The following FLT3 variants were observed in gnomAD, a reference collection of about 807,000 sequenced individuals.
The protein encoded by FLT3 is fms related receptor tyrosine kinase 3.
In FLT3, 46 loss-of-function variants were observed where a neutral mutation model predicts 126.6. The ratio of observed to expected loss-of-function variants is 0.36; its 90% CI spans 0.29 to 0.46. The LOEUF is 0.46. Ranked by LOEUF, FLT3 falls within the 20% of genes least tolerant of loss-of-function variation. The pLI is 1.00. For missense variants in FLT3, 1,069 were observed against 1,190.3 expected, an observed-to-expected ratio of 0.90 and a Z score of 1.50; for synonymous variants, 404 against 434.4, an observed-to-expected ratio of 0.93 and a Z score of 0.87.
intron 21 of FLT3, 63 bp downstream of exon 21, chr13:28,015,527 G>GGGGGGGCC: frequency 3.1e-6 from 2 of 644,482 alleles, no homozygotes; most frequent in Admixed American, 2.3e-5. Context: ...GGGTGGGGCG[G>GGGGGGGCC]CACCGAGAGA....
chr13:28,008,456 T>A (rs1332715744), intron 23 of FLT3, among the ~76,000 whole-genome samples: 2 of 152,014 alleles, frequency 1.3e-5, no homozygotes, highest in Non-Finnish European at 2.9e-5. Context: ...AAGACTTGCT[T>A]AAGAGGCATG....
intron 1 of FLT3, among the ~76,000 whole-genome samples, chr13:28,095,963 G>A (rs1879425060): frequency 6.6e-6 from 1 of 152,148 alleles, no homozygotes; most frequent in Non-Finnish European, 1.5e-5. Context: ...CCTAAAAGAT[G>A]ACCATATTTA....
rs117769716 is a variant in FLT3, at chr13:28,031,930, T to C, written c.1942+1957A>G. On this transcript the variant is annotated intron_variant, in intron 15 of 23. Coordinates refer to ENST00000241453, the MANE Select transcript of FLT3 (RefSeq NM_004119.3). ...GAAGCCAAAGGGAGGCAAGAGTGGA[T>C]ACAGGAACCTGCTTTGGAAGCTTTT... Among the ~76,000 whole-genome samples the C allele has an allele frequency of 7.9e-3, 1,207 of 152,272 alleles. 11 individuals carry two copies. Among genetic ancestry groups the C allele is most frequent in the Admixed American group, 0.014 (212 of 15,296 alleles).
intron 1 of FLT3, among the ~76,000 whole-genome samples, chr13:28,073,091 A>G (rs28458275): frequency 0.18 from 26,804 of 151,936 alleles, 2,433 homozygotes; most frequent in Middle Eastern, 0.25. Flanking sequence ...CTGTAATCCC[A>G]GCACTTTGGG....
intron 21 of FLT3, 151 bp from the exon 22 acceptor site, chr13:28,015,407 G>T (rs971066859): frequency 4.1e-6 from 3 of 729,244 alleles, no homozygotes; most frequent in East Asian, 2.7e-5. Context: ...CACGGTTCAC[G>T]CTCTCAAGCA....
chr13:28,015,265 A>G lies in FLT3; in HGVS notation c.2654-9T>C. 6.6e-7 allele frequency: 1 copy of G among 1,515,342 alleles called. No homozygotes were observed. The highest frequency in any genetic ancestry group is 9.2e-7 in the Non-Finnish European group (1 of 1,091,244). The allele number at this position is 1,515,342 out of a possible 1,614,324, so 93.9% of individuals were successfully genotyped here. On this transcript the variant is annotated splice_polypyrimidine_tract_variant and intron_variant, in intron 21 of 23. Coordinates refer to ENST00000241453, the MANE Select transcript of FLT3 (RefSeq NM_004119.3). ...AGGGTAAGGATTCACACCTGAGGAA[A>G]ACATTAGACAATTGCAGCCATTCAT...
chr13:28,016,833 G>A (rs1014208891), intron 20 of FLT3, among the ~76,000 whole-genome samples: 1 of 152,204 alleles, frequency 6.6e-6, no homozygotes, highest in Non-Finnish European at 1.5e-5. Flanking sequence ...AGTAGGAGTA[G>A]ATCGTAAATC....
intron 19 of FLT3, among the ~76,000 whole-genome samples, chr13:28,021,697 G>C (rs150305745): frequency 4.7e-4 from 71 of 152,036 alleles, no homozygotes; most frequent in African/African-American, 1.7e-3. Context: ...AAAGCACTGG[G>C]ATTACAGACG....
At chr13:28,021,798 A>T (rs1872414117) in intron 19 of FLT3, among the ~76,000 whole-genome samples, 1 of 151,128 alleles carries the variant, frequency 6.6e-6, no homozygotes, top group Non-Finnish European at 1.5e-5. Context: ...GCTGGAGTGC[A>T]GTGGCGCCAT....
At chr13:28,091,357 G>A (rs1292846738) in intron 1 of FLT3, among the ~76,000 whole-genome samples, 2 of 149,052 alleles carry the variant, frequency 1.3e-5, no homozygotes, top group Non-Finnish European at 3.0e-5. Flanking sequence ...GAGTAGCTGG[G>A]ACTACAGGCG....
rs1447661062 is a variant in FLT3 at position 28,070,479 on chromosome 13, A to G, written c.165+12T>C. 6.2e-7 allele frequency: 1 copy of G among 1,604,740 alleles called. No homozygotes were observed. Among genetic ancestry groups the G allele is most frequent in the African/African-American group, 1.3e-5 (1 of 74,750 alleles). ...AAAAACAGCTAAAGGTATAATTTTA[A>G]TGTTACTTTACCATGGGATATGATG... On this transcript the variant is annotated intron_variant, in intron 2 of 23. Coordinates refer to ENST00000241453, the MANE Select transcript of FLT3 (RefSeq NM_004119.3).
At chr13:28,077,063 GAAGA>G (rs1877985821) in intron 1 of FLT3, among the ~76,000 whole-genome samples, 3 of 143,322 alleles carry the variant, frequency 2.1e-5, no homozygotes, top group Non-Finnish European at 4.6e-5. Flanking sequence ...GGAAGGGAAA[GAAGA>G]AAGAAAAGAA....
chr13:28,047,639 G>A (rs1222857023), intron 9 of FLT3, among the ~76,000 whole-genome samples: 11 of 151,468 alleles, frequency 7.3e-5, no homozygotes, highest in Non-Finnish European at 1.3e-4. Context: ...TTGAGCCTGG[G>A]AGGTGGAGGT....
At chr13:28,023,540 T>G in intron 18 of FLT3, 63 bp from the exon 19 acceptor site, 19 of 1,572,370 alleles carry the variant, frequency 1.2e-5, no homozygotes, top group Non-Finnish European at 1.7e-5. Context: ...ATTAAATCTC[T>G]ATGGGAAGGT....
intron 1 of FLT3, among the ~76,000 whole-genome samples, chr13:28,090,186 G>A (rs1338788973): frequency 4.0e-5 from 6 of 151,258 alleles, no homozygotes; most frequent in African/African-American, 9.7e-5. Flanking sequence ...GATTACAGGC[G>A]TGCATCACCA....
At position 28,098,334 on chromosome 13, in the gene FLT3, A is replaced by G. The variant is rs1032170345; in HGVS notation, c.43+2134T>C. On this transcript the variant is annotated intron_variant, in intron 1 of 23. Transcript: ENST00000241453. ...CGTCTCAAAAAAAAAAAAAAAAAAA[A>G]AAGTAGTGTTTACAATATAAGGGAA... is the stretch of plus-strand genomic sequence containing the variant. Among the ~76,000 whole-genome samples the G allele has an allele frequency of 2.4e-4, 36 of 148,684 alleles. 1 individual carries two copies. Among genetic ancestry groups the G allele is most frequent in the Admixed American group, 1.6e-3 (24 of 15,056 alleles).
At chr13:28,071,334 G>T in intron 1 of FLT3, among the ~76,000 whole-genome samples, 1 of 151,420 alleles carries the variant, frequency 6.6e-6, no homozygotes, top group Non-Finnish European at 1.5e-5. Context: ...TTTCTCTATG[G>T]GTGCTTATAG....
intron 19 of FLT3, among the ~76,000 whole-genome samples, chr13:28,021,339 G>A (rs1202568889): frequency 1.3e-5 from 2 of 152,162 alleles, no homozygotes; most frequent in Non-Finnish European, 2.9e-5. Context: ...GCAGTGAGCT[G>A]AGATCACACC....
At chr13:28,070,306 G>A (rs1326324301) in intron 2 of FLT3, among the ~76,000 whole-genome samples, 185 bp downstream of exon 2, 7 of 152,106 alleles carry the variant, frequency 4.6e-5, no homozygotes, top group African/African-American at 7.2e-5. Flanking sequence ...TGAAGAATAC[G>A]GTTCTTGAAG....
Sources: gnomAD v4.1 joint callset for allele counts (sites outside exome capture counted in the v4.1 genomes callset) on GRCh38, gnomAD v4.1.1 for gene constraint, MANE v1.5 for transcripts, NCBI Gene and HGNC (gene_info 2026-07-23, HGNC 2026-07-21) for gene names.